Variants in KLK12 observed in about 807,000 individuals in gnomAD.
KLK12 encodes the protein kallikrein-12.
Under a neutral mutation model 20.0 loss-of-function variants are expected in KLK12, and 23 were observed. The ratio of observed to expected loss-of-function variants is 1.15; its 90% CI spans 0.83 to 1.63. The LOEUF is 1.63. Ranked by LOEUF, KLK12 falls within the 40% of genes most tolerant of loss-of-function variation. The pLI is 0.00. For missense variants in KLK12, 351 were observed against 338.6 expected, an observed-to-expected ratio of 1.04 and a Z score of -0.29; for synonymous variants, 147 against 141.9, an observed-to-expected ratio of 1.04 and a Z score of -0.25.
Position 51,034,813 on chromosome 19 carries a change from C to A in KLK12, c.-27G>T, listed in dbSNP as rs1480173105. 1.4e-6 allele frequency: 2 copies of A among 1,463,062 alleles called. No individual in the cohort carries two copies. Among genetic ancestry groups the A allele is most frequent in the East Asian group, 5.0e-5 (2 of 39,874 alleles). 90.6% of individuals were successfully genotyped at this position (1,463,062 alleles called of 1,614,324 possible). Reference sequence around the variant, plus strand: ...CGCCTACCTCCTTCTCACCTTGTCTCTTTGTCTGCCAGATCCTCTACGTGG... The same window carrying A: ...CGCCTACCTCCTTCTCACCTTGTCTATTTGTCTGCCAGATCCTCTACGTGG... On this transcript the variant is annotated 5_prime_UTR_variant, in exon 1 of 6. Coordinates refer to ENST00000684732, the MANE Select transcript of KLK12 (RefSeq NM_001370125.1).
chr19:51,032,945 G>A (rs1333106722), intron 3 of KLK12, among the ~76,000 whole-genome samples: 1 of 152,090 alleles, frequency 6.6e-6, no homozygotes, highest in Admixed American at 6.5e-5. Flanking sequence ...CAGGCACAGT[G>A]GCTCATGCCT....
chr19:51,031,235 A>G (rs1182749284), intron 4 of KLK12, among the ~76,000 whole-genome samples: 1 of 151,662 alleles, frequency 6.6e-6, no homozygotes, highest in Non-Finnish European at 1.5e-5. Flanking sequence ...GTGATCTTTG[A>G]CCTTCTGTCT....
chr19:51,032,629 C>T (rs1000953191), intron 3 of KLK12, among the ~76,000 whole-genome samples: 26 of 151,838 alleles, frequency 1.7e-4, no homozygotes, highest in African/African-American at 6.0e-4. Flanking sequence ...TCAAGTGATC[C>T]GCCCGCCTCG....
chr19:51,031,566 T>C (rs969643785), intron 4 of KLK12, among the ~76,000 whole-genome samples: 1 of 127,868 alleles, frequency 7.8e-6, no homozygotes, highest in Non-Finnish European at 1.8e-5. Flanking sequence ...CCCAGACCCA[T>C]GACCCACAAT....
At position 51,034,611 on chromosome 19, in the gene KLK12, C is replaced by T. The variant is rs1395457488; in HGVS notation, c.11G>A (p.Ser4Asn). The T allele has an allele frequency of 6.2e-7, 1 of 1,611,150 alleles. No homozygotes were observed. Among genetic ancestry groups the T allele is most frequent in the Admixed American group, 1.7e-5 (1 of 59,574 alleles). The part of the protein sequence containing the change: MGL[S>N]IFLLLCVLGL... The stretch of plus-strand genomic sequence containing the variant: ...AAGAACACACAGGAGCAAAAAGATG[C>T]TGAGCCCCATGGTGGGTCACTTCCA... The change falls in exon 2 of 6, where the codon AGC (serine) becomes AAC (asparagine). Residue 4 changes from serine to asparagine, a missense_variant. Coordinates refer to ENST00000684732, the MANE Select transcript of KLK12 (RefSeq NM_001370125.1).
chr19:51,031,964 G>A lies in KLK12; in HGVS notation c.369C>T (p.Ser123=), dbSNP rs760053890. The change falls in exon 4 of 6, where the codon AGC becomes AGT. Residue 123 remains serine (S), a synonymous_variant. Transcript: ENST00000684732. ...CATTGGGCAGGGGCAGGGGTTGAAC[G>A]CTGCTGGTTACGCGGACGGGCAGGC... ...RLRLPVRVTS[S]VQPLPLPNDC... is the part of the protein sequence containing the mutation. 2.1e-5 allele frequency: 34 copies of A among 1,613,272 alleles called. No homozygotes were observed. Among genetic ancestry groups the A allele is most frequent in the South Asian group, 3.3e-5 (3 of 91,042 alleles).
chr19:51,034,776 C>T, intron 1 of KLK12, 30 bp downstream of exon 1: 3 of 1,503,580 alleles, frequency 2.0e-6, no homozygotes, highest in Non-Finnish European at 2.7e-6. Flanking sequence ...GTGTCACTCC[C>T]TCATTGGCAG....
At chr19:51,030,232 C>CT (rs35996455) in intron 5 of KLK12, 87,924 of 151,384 alleles carry the variant, frequency 0.58, 25,867 homozygotes, top group Middle Eastern at 0.68. Context: ...CTTCCTCCCT[C>CT]TCTCTCCCTG....
chr19:51,033,050 CA>C (rs970368967), intron 3 of KLK12, among the ~76,000 whole-genome samples: 2 of 150,836 alleles, frequency 1.3e-5, no homozygotes, highest in African/African-American at 2.4e-5. Flanking sequence ...CCTGTCTCTA[CA>C]AAAAAAATTT....
At position 51,029,370 on chromosome 19, in the gene KLK12, T is replaced by C. The variant is rs1209729832; in HGVS notation, c.679A>G (p.Ile227Val). Residue 227 changes from isoleucine (I) to valine (V), a missense_variant, in exon 6 of 6, where the codon ATC (isoleucine) becomes GTC (valine). Transcript: ENST00000684732. ...CAAATATAGGTGTAGACTCCAGGGA[T>C]GCCATCTTGTCCACAGGGCCCCACA... is the stretch of plus-strand genomic sequence containing the variant. ...GSVGPCGQDGIPGVYTYICKY... is the reference protein window; with the variant it reads ...GSVGPCGQDGVPGVYTYICKY... The C allele has an allele frequency of 2.5e-6, 4 of 1,613,968 alleles. No individual in the cohort carries two copies. The highest frequency in any genetic ancestry group is 3.4e-6 in the Non-Finnish European group (4 of 1,179,908).
intron 5 of KLK12, 127 bp downstream of exon 5, chr19:51,030,661 T>G (rs1568577149): frequency 2.9e-6 from 4 of 1,384,600 alleles, no homozygotes; most frequent in Non-Finnish European, 4.1e-6. Context: ...CTCCCTTCCT[T>G]TTTGACCCCG....
Position 51,029,372 on chromosome 19 carries a change from C to G in KLK12, c.677G>C (p.Gly226Ala). ...WGSVGPCGQD[G>A]IPGVYTYICK... ...AATATAGGTGTAGACTCCAGGGATG[C>G]CATCTTGTCCACAGGGCCCCACAGA... The change falls in exon 6 of 6, where the codon GGC becomes GCC. Residue 226 changes from glycine to alanine, a missense_variant. Coordinates refer to ENST00000684732, the MANE Select transcript of KLK12 (RefSeq NM_001370125.1). 1.2e-6 allele frequency: 2 copies of G among 1,613,736 alleles called. No homozygotes were observed. Among genetic ancestry groups the G allele is most frequent in the South Asian group, 2.2e-5 (2 of 91,056 alleles).
chr19:51,034,757 C>A, intron 1 of KLK12, 49 bp downstream of exon 1: 1 of 1,527,832 alleles, frequency 6.5e-7, no homozygotes, highest in South Asian at 1.2e-5. Context: ...TCTCTACCTG[C>A]TCCCCTGTGT....
At chr19:51,034,225 C>A (rs2091589499) in intron 2 of KLK12, 86 bp from the exon 3 acceptor site, 1 of 1,414,238 alleles carries the variant, frequency 7.1e-7, no homozygotes, top group African/African-American at 1.4e-5. Context: ...GAGAAACAGG[C>A]AGGAGAGAGA....
In KLK12 at chr19:51,032,030, G is replaced by T. The variant is rs1251126963; in HGVS notation, c.303C>A (p.Ala101=). The change falls in exon 4 of 6, where the codon GCC becomes GCA. Residue 101 remains alanine (A), a synonymous_variant. Transcript: ENST00000684732. The part of the protein sequence containing the change: ...FSVTHPGYLG[A]STSHEHDLRL... ...GGAGGTCGTGCTCGTGGCTCGTCGA[G>T]GCTCCCAGGTAGCCGGGATGGGTCA... 1.2e-6 allele frequency: 2 copies of T among 1,609,024 alleles called. No homozygotes were observed. Among genetic ancestry groups the T allele is most frequent in the Non-Finnish European group, 1.7e-6 (2 of 1,178,998 alleles).
intron 4 of KLK12, 130 bp downstream of exon 4, chr19:51,031,746 T>A (rs2091559749): frequency 9.4e-7 from 1 of 1,068,024 alleles, no homozygotes; most frequent in South Asian, 1.3e-5. Context: ...CAAACCATGA[T>A]CCTGATGTCC....
intron 5 of KLK12, 142 bp downstream of exon 5, chr19:51,030,646 A>T: frequency 8.3e-7 from 1 of 1,204,600 alleles, no homozygotes. Flanking sequence ...CTCCGTAACC[A>T]GCCTCTCCCT....
At position 51,032,102 on chromosome 19, in the gene KLK12, G is replaced by C. The variant is rs765634716; in HGVS notation, c.231C>G (p.Leu77=). 36 of 1,604,280 alleles carry C rather than the reference G, an allele frequency of 2.2e-5. No individual in the cohort carries two copies. In the South Asian group the frequency reaches 3.9e-4, roughly 17 times the overall value. The change falls in exon 4 of 6, where the codon CTC becomes CTG. Residue 77 remains leucine (L), a synonymous_variant. Coordinates refer to ENST00000684732, the MANE Select transcript of KLK12 (RefSeq NM_001370125.1). ...TCTGCTCGGTCCAGTCGAGCTGGCT[G>C]AGGCTGTGTTCCCCCAGGCGCACCC... ...RYWVRLGEHS[L]SQLDWTEQIR... is the part of the protein sequence containing the mutation.
rs1006463358 is a variant in KLK12, at chr19:51,032,204, T to C, written c.198-69A>G. 4.6e-6 allele frequency: 7 copies of C among 1,517,550 alleles called. No individual in the cohort carries two copies. The East Asian group carries it at 1.2e-4, about 27-fold the overall frequency. 94.0% of individuals were successfully genotyped at this position (1,517,550 alleles called of 1,614,324 possible). On this transcript the variant is annotated intron_variant, in intron 3 of 5. Coordinates refer to ENST00000684732, the MANE Select transcript of KLK12 (RefSeq NM_001370125.1). Reference sequence around the variant, plus strand: ...CCACCTTGCACCCCTCCACGGACACTCAGGCGCTCCTGCCGCTCCCCACTG... The same window carrying C: ...CCACCTTGCACCCCTCCACGGACACCCAGGCGCTCCTGCCGCTCCCCACTG...
Sources: allele counts gnomAD v4.1 joint callset (sites outside exome capture counted in the v4.1 genomes callset), GRCh38; gene constraint gnomAD v4.1.1; transcripts MANE v1.5; gene names NCBI Gene and HGNC (gene_info 2026-07-23, HGNC 2026-07-21).